PHKB: variants seen among roughly 807,000 people sequenced by gnomAD.
PHKB encodes the protein phosphorylase kinase regulatory subunit beta.
In PHKB, 122 loss-of-function variants were observed where a neutral mutation model predicts 152.1. The ratio of observed to expected loss-of-function variants is 0.80; its 90% CI spans 0.69 to 0.93. PHKB has a LOEUF of 0.93. Ranked by LOEUF, PHKB falls within the 40% of genes least tolerant of loss-of-function variation. The pLI is 0.00. For missense variants in PHKB, 1,304 were observed against 1,328.4 expected (o/e 0.98, Z 0.29); for synonymous variants, 436 against 464.9 (o/e 0.94, Z 0.80).
In PHKB at chr16:47,654,003, G is replaced by A. The variant is rs538698121; in HGVS notation, c.1971+3082G>A. 2.0e-5 allele frequency among the ~76,000 whole-genome samples: 3 copies of A among 152,198 alleles called. No individual in the cohort carries two copies. The South Asian group carries it at 6.2e-4, about 32-fold the overall frequency. On this transcript the variant is annotated intron_variant, in intron 20 of 30. Transcript: ENST00000323584. ...GAAAAGCTATACCTTTGACTAAAAGGGAATCAGAAATAGTTCACTCCTCAC... is the reference window on the plus strand; with the variant it reads ...GAAAAGCTATACCTTTGACTAAAAGAGAATCAGAAATAGTTCACTCCTCAC...
intron 12 of PHKB, among the ~76,000 whole-genome samples, chr16:47,595,394 C>CA (rs1482072265): frequency 2.0e-5 from 3 of 152,098 alleles, no homozygotes; most frequent in Non-Finnish European, 4.4e-5. Context: ...GCTAATATTG[C>CA]AAAAAGTCTC....
At chr16:47,593,170 GGAGAGAGAGAGAGAGGGAGGGAGAGAGA>G (rs1972058740) in intron 10 of PHKB, among the ~76,000 whole-genome samples, 1 of 138,566 alleles carries the variant, frequency 7.2e-6, no homozygotes, top group African/African-American at 2.7e-5. Context: ...AAAGGGAGAG[GGAGAGAGAGAGAGAGGGAGGGAGAGAGA>G]GAGAGAGGGA....
chr16:47,622,711 A>G (rs899304112), intron 14 of PHKB, among the ~76,000 whole-genome samples: 3 of 152,238 alleles, frequency 2.0e-5, no homozygotes, highest in African/African-American at 7.2e-5. Flanking sequence ...GAAAAGGCCA[A>G]TATGAAAGGA....
intron 7 of PHKB, among the ~76,000 whole-genome samples, chr16:47,555,523 A>C (rs1263952416): frequency 6.6e-6 from 1 of 152,230 alleles, no homozygotes; most frequent in Non-Finnish European, 1.5e-5. Flanking sequence ...AGTGAATATT[A>C]GAATAAAGAT....
At position 47,466,370 on chromosome 16, in the gene PHKB, T is replaced by TA. The variant is rs572112676; in HGVS notation, c.76+4945dup. Among the ~76,000 whole-genome samples the TA allele has an allele frequency of 1.4e-4, 21 of 152,314 alleles. No homozygotes were observed. In the South Asian group the frequency reaches 4.4e-3, roughly 32 times the overall value. ...CCGTTTCTCATGTGGCCACTACAGT[T>TA]ATATTAAGTTAGCATAGTTGGTCAG... On this transcript the variant is annotated intron_variant, in intron 1 of 30. Coordinates refer to ENST00000323584, the MANE Select transcript of PHKB (RefSeq NM_000293.3).
chr16:47,543,348 T>C lies in PHKB; in HGVS notation c.595-4085T>C, dbSNP rs144951473. On this transcript the variant is annotated intron_variant, in intron 6 of 30. Coordinates refer to ENST00000323584, the MANE Select transcript of PHKB (RefSeq NM_000293.3). ...AACCAGCCTTGCATCCCAGGGATGA[T>C]GCCAACTTGATCGTGTTGGATAAGC... Among the ~76,000 whole-genome samples the C allele has an allele frequency of 4.2e-3, 639 of 152,308 alleles. 6 individuals are homozygous for C. The highest frequency in any genetic ancestry group is 0.015 in the African/African-American group (608 of 41,570).
At chr16:47,585,007 A>C (rs1351054855) in intron 8 of PHKB, among the ~76,000 whole-genome samples, 2 of 152,208 alleles carry the variant, frequency 1.3e-5, no homozygotes, top group Admixed American at 1.3e-4. Context: ...TCATGGGATT[A>C]AGGGAAGTGC....
chr16:47,543,112 A>G (rs1278709525), intron 6 of PHKB, among the ~76,000 whole-genome samples: 1 of 152,200 alleles, frequency 6.6e-6, no homozygotes, highest in Non-Finnish European at 1.5e-5. Flanking sequence ...GTTTTTGCCC[A>G]TTCAGTGTGA....
Position 47,461,386 on chromosome 16 carries a change from C to G in PHKB, c.36C>G (p.Ser12Arg). Residue 12 changes from serine (S) to arginine (R), a missense_variant, in exon 1 of 31, where the codon AGC becomes AGG. Ser to Arg is a moderately radical substitution (Grantham distance 110). Transcript: ENST00000323584. ...CGGCGGGACTCACGGCAGAAGTGAGCTGGAAGGTCTTGGAGCGAAGAGCTC... is the reference window on the plus strand; with the variant it reads ...CGGCGGGACTCACGGCAGAAGTGAGGTGGAAGGTCTTGGAGCGAAGAGCTC... ...AGAAGLTAEV[S>R]WKVLERRART... The G allele has an allele frequency of 1.2e-6, 2 of 1,612,984 alleles. No homozygotes were observed. The highest frequency in any genetic ancestry group is 1.7e-4 in the Middle Eastern group (1 of 5,904).
chr16:47,657,249 G>A (rs1973355215), intron 20 of PHKB, among the ~76,000 whole-genome samples: 1 of 152,126 alleles, frequency 6.6e-6, no homozygotes, highest in Non-Finnish European at 1.5e-5. Flanking sequence ...TTATCTGTGG[G>A]AAATATTTAA....
At chr16:47,503,155 G>T in intron 4 of PHKB, 65 bp downstream of exon 4, 3 of 1,062,410 alleles carry the variant, frequency 2.8e-6, no homozygotes, top group East Asian at 2.4e-5. Context: ...AACTAGTATC[G>T]CAATGGTTTC....
intron 1 of PHKB, among the ~76,000 whole-genome samples, chr16:47,491,731 C>G (rs933526754): frequency 6.6e-6 from 1 of 152,058 alleles, no homozygotes. Context: ...TAAAAAATGC[C>G]AGATAACACA....
At chr16:47,691,759 G>A (rs1390377649) in intron 27 of PHKB, among the ~76,000 whole-genome samples, 2 of 151,576 alleles carry the variant, frequency 1.3e-5, no homozygotes, top group Non-Finnish European at 2.9e-5. Flanking sequence ...GGAACTTTAT[G>A]GTTTATATTC....
intron 8 of PHKB, among the ~76,000 whole-genome samples, chr16:47,581,749 G>A (rs1971850487): frequency 6.6e-6 from 1 of 152,066 alleles, no homozygotes; most frequent in African/African-American, 2.4e-5. Flanking sequence ...GCGCGATCTC[G>A]GCTCACTGCG....
intron 13 of PHKB, chr16:47,598,854 C>A: frequency 1.2e-6 from 2 of 1,606,338 alleles, no homozygotes; most frequent in Non-Finnish European, 1.7e-6. Flanking sequence ...CATTTGTAAT[C>A]TGTTCTGTAT....
chr16:47,524,307 T>A (rs1379538196), intron 6 of PHKB, among the ~76,000 whole-genome samples: 1 of 152,234 alleles, frequency 6.6e-6, no homozygotes, highest in African/African-American at 2.4e-5. Flanking sequence ...AAAACCTTTT[T>A]ATCCTGCAGT....
intron 12 of PHKB, among the ~76,000 whole-genome samples, chr16:47,595,120 A>G (rs1440235568): frequency 6.6e-6 from 1 of 152,206 alleles, no homozygotes; most frequent in Non-Finnish European, 1.5e-5. Context: ...AATGTATTAA[A>G]TTTTGTAATG....
intron 7 of PHKB, among the ~76,000 whole-genome samples, chr16:47,571,050 G>A (rs1277386813): frequency 6.6e-6 from 1 of 151,986 alleles, no homozygotes; most frequent in Non-Finnish European, 1.5e-5. Flanking sequence ...CAAAGTCTCT[G>A]TTGAGTTTCT....
At chr16:47,649,561 A>G (rs917850077) in intron 18 of PHKB, among the ~76,000 whole-genome samples, 2 of 152,226 alleles carry the variant, frequency 1.3e-5, no homozygotes, top group Non-Finnish European at 2.9e-5. Flanking sequence ...AAAAATATCC[A>G]GTAAAACCTC....
Sources: gnomAD v4.1 joint callset for allele counts (sites outside exome capture counted in the v4.1 genomes callset) on GRCh38, gnomAD v4.1.1 for gene constraint, MANE v1.5 for transcripts, NCBI Gene and HGNC (gene_info 2026-07-23, HGNC 2026-07-21) for gene names.